SLC12A6: variants seen among roughly 807,000 people sequenced by gnomAD.
SLC12A6 encodes the protein solute carrier family 12 member 6.
Under a neutral mutation model 135.3 loss-of-function variants are expected in SLC12A6, and 66 were observed. The ratio of observed to expected loss-of-function variants is 0.49; its 90% CI spans 0.40 to 0.60. The LOEUF (loss-of-function observed/expected upper bound fraction) is 0.60, where lower values mean the gene tolerates loss of function less well. Ranked by LOEUF, SLC12A6 falls within the 20% of genes least tolerant of loss-of-function variation. SLC12A6 has a pLI of 0.00. For missense variants in SLC12A6, 1,058 were observed against 1,452.3 expected (o/e 0.73, Z 4.41); for synonymous variants, 513 against 508.8 (o/e 1.01, Z -0.11).
intron 3 of SLC12A6, among the ~76,000 whole-genome samples, chr15:34,268,851 T>C (rs1024880237): frequency 1.3e-5 from 2 of 150,920 alleles, no homozygotes; most frequent in Non-Finnish European, 3.0e-5. Context: ...ATGTTTCTTT[T>C]TTTCTTTCTT....
intron 2 of SLC12A6, among the ~76,000 whole-genome samples, chr15:34,335,929 A>T (rs1380699549): frequency 1.3e-5 from 2 of 152,226 alleles, no homozygotes; most frequent in Non-Finnish European, 2.9e-5. Flanking sequence ...CAGATTTCAA[A>T]AAAGAATTTT....
chr15:34,321,747 G>C (rs1320303712), intron 2 of SLC12A6, among the ~76,000 whole-genome samples: 1 of 152,152 alleles, frequency 6.6e-6, no homozygotes, highest in Non-Finnish European at 1.5e-5. Flanking sequence ...GATAAAGTGT[G>C]ATATAGTCAT....
At chr15:34,272,702 T>A (rs1894047530) in intron 3 of SLC12A6, among the ~76,000 whole-genome samples, 1 of 152,228 alleles carries the variant, frequency 6.6e-6, no homozygotes, top group Non-Finnish European at 1.5e-5. Flanking sequence ...TCCTTCATAA[T>A]CAAAGTTACT....
chr15:34,263,299 G>C (rs113108289), intron 3 of SLC12A6, among the ~76,000 whole-genome samples: 1,811 of 152,160 alleles, frequency 0.012, 15 homozygotes, highest in Middle Eastern at 0.037. Context: ...CATGCTTATA[G>C]TTCTAGCTAT....
intron 2 of SLC12A6, among the ~76,000 whole-genome samples, chr15:34,299,851 G>A (rs1426721526): frequency 6.6e-6 from 1 of 152,062 alleles, no homozygotes; most frequent in African/African-American, 2.4e-5. Context: ...GAGACATTAG[G>A]GGGTTTTAAA....
intron 24 of SLC12A6, 91 bp downstream of exon 24, chr15:34,235,924 G>T: frequency 3.0e-6 from 3 of 996,586 alleles, no homozygotes; most frequent in South Asian, 1.3e-5. Flanking sequence ...AGGGTGAAAT[G>T]AACAGACTCC....
At chr15:34,255,220 T>C (rs1892666283) in intron 8 of SLC12A6, 42 bp downstream of exon 8, 2 of 1,438,952 alleles carry the variant, frequency 1.4e-6, no homozygotes, top group Non-Finnish European at 9.8e-7. Flanking sequence ...CCTAAATCAA[T>C]ATTTCTTCTA....
In SLC12A6 at chr15:34,238,277, A is replaced by G; in HGVS notation, c.2757T>C (p.Asp919=). 3 of 1,613,580 alleles carry G rather than the reference A, an allele frequency of 1.9e-6. No homozygotes were observed. Among genetic ancestry groups the G allele is most frequent in the Non-Finnish European group, 2.5e-6 (3 of 1,179,454 alleles). ...ATGGTAGTAGCATAAGCATCCCCCCATCATGCACAATCCACCACACATCAA... is the reference window on the plus strand; with the variant it reads ...ATGGTAGTAGCATAAGCATCCCCCCGTCATGCACAATCCACCACACATCAA... ...GNIDVWWIVH[D]GGMLMLLPFL... is the part of the protein sequence containing the mutation. Residue 919 remains aspartate (D), a synonymous_variant, in exon 21 of 26, where the codon GAT becomes GAC. Coordinates refer to ENST00000354181, the MANE Select transcript of SLC12A6 (RefSeq NM_001365088.1).
chr15:34,256,229 C>A lies in SLC12A6; in HGVS notation c.745G>T (p.Ala249Ser). 1 of 1,591,770 alleles carries A rather than the reference C, an allele frequency of 6.3e-7. No homozygotes were observed. Among genetic ancestry groups the A allele is most frequent in the Non-Finnish European group, 8.6e-7 (1 of 1,159,664 alleles). The part of the protein sequence containing the change: ...SAIATNGVVP[A>S]GGSYFMISRA... ...TGAAATACAACCTTGACCTACTAAC[C>A]TGGCACCACTCCATTAGTGGCAATG... is the stretch of plus-strand genomic sequence containing the variant. Residue 249 changes from alanine to serine, a missense_variant and splice_region_variant, in exon 7 of 26, where the codon GCT (alanine) becomes TCT (serine). Physicochemically the swap from Ala to Ser is moderately conservative, Grantham distance 99. This residue lies in a region of SLC12A6 where 139 missense variants were observed against 202.2 expected (regional missense o/e 0.69). Transcript: ENST00000354181.
Position 34,238,925 on chromosome 15 carries a change from C to A in SLC12A6, c.2632+40G>T. 3.3e-6 allele frequency: 5 copies of A among 1,527,382 alleles called. 1 individual carries two copies. Among genetic ancestry groups the A allele is most frequent in the Non-Finnish European group, 3.6e-6 (4 of 1,100,818 alleles). The allele number at this position is 1,527,382 out of a possible 1,614,324, so 94.6% of individuals were successfully genotyped here. A position where few individuals can be genotyped will look rare whatever the true frequency, so the allele number is the denominator to read the frequency against. ...TGACAGAGATTTAACTATATACCCT[C>A]GACTTGGGCCTTTAGGTTTGTATGA... On this transcript the variant is annotated intron_variant, in intron 20 of 25. Transcript: ENST00000354181.
At chr15:34,326,590 G>A (rs1433433165) in intron 2 of SLC12A6, among the ~76,000 whole-genome samples, 6 of 152,030 alleles carry the variant, frequency 3.9e-5, no homozygotes, top group African/African-American at 1.4e-4. Flanking sequence ...ACTGCTCTAG[G>A]CACATAATTT....
At position 34,238,360 on chromosome 15, in the gene SLC12A6, C is replaced by T. The variant is rs1891416274; in HGVS notation, c.2674G>A (p.Val892Met). Reference protein sequence around the residue: ...VTTAAHLALLVAKNISFFPSN... With the variant: ...VTTAAHLALLMAKNISFFPSN... ...GGAAAGAAGGAGATGTTTTTAGCCA[C>T]CAGCAGTGCAAGATGGGCAGCAGTT... Residue 892 changes from valine to methionine, a missense_variant, in exon 21 of 26, where the codon GTG (valine) becomes ATG (methionine). Around this residue, in one of 6 missense-constraint regions of SLC12A6, gnomAD observed 245 missense variants for 440.8 expected, o/e 0.56. Coordinates refer to ENST00000354181, the MANE Select transcript of SLC12A6 (RefSeq NM_001365088.1). The T allele has an allele frequency of 6.2e-7, 1 of 1,613,792 alleles. No individual in the cohort carries two copies. The highest frequency in any genetic ancestry group is 8.5e-7 in the Non-Finnish European group (1 of 1,179,830).
rs188650289 is a variant in SLC12A6, at chr15:34,320,785, C to T, written c.271+15625G>A. On this transcript the variant is annotated intron_variant, in intron 2 of 25. Coordinates refer to ENST00000354181, the MANE Select transcript of SLC12A6 (RefSeq NM_001365088.1). ...CAAAAATCTTAGCCAGGCGTGGTGG[C>T]GGGCGCCTGTAGTTCCAGAAGGCTG... Among the ~76,000 whole-genome samples the T allele has an allele frequency of 1.5e-4, 22 of 145,892 alleles. No individual in the cohort carries two copies. In the East Asian group the frequency reaches 4.3e-3, roughly 29 times the overall value.
Position 34,310,629 on chromosome 15 carries a change from AGT to A in SLC12A6, c.271+25779_271+25780del, listed in dbSNP as rs61718499. Among the ~76,000 whole-genome samples, 49 of 6,054 alleles carry A rather than the reference AGT, an allele frequency of 8.1e-3. 2 individuals are homozygous for A. Among genetic ancestry groups the A allele is most frequent in the Non-Finnish European group, 0.011 (39 of 3,684 alleles). 4.0% of individuals were successfully genotyped at this position (6,054 alleles called of 152,430 possible). ...GGCTGGTGTTGAACTCCTGGGCTCA[AGT>A]GTGTGTGTGTGTGTGTGTGTGTGTG... On this transcript the variant is annotated intron_variant, in intron 2 of 25. Coordinates refer to ENST00000354181, the MANE Select transcript of SLC12A6 (RefSeq NM_001365088.1).
At chr15:34,330,658 C>T (rs1431355322) in intron 2 of SLC12A6, among the ~76,000 whole-genome samples, 1 of 150,588 alleles carries the variant, frequency 6.6e-6, no homozygotes, top group Non-Finnish European at 1.5e-5. Context: ...CAGAATGAGA[C>T]CCTGTCTCAA....
intron 17 of SLC12A6, 26 bp from the exon 18 acceptor site, chr15:34,241,363 A>G (rs1323612679): frequency 8.4e-7 from 1 of 1,188,170 alleles, no homozygotes; most frequent in Non-Finnish European, 1.3e-6. Flanking sequence ...AAGAGCAGAG[A>G]CAAATTTAAA....
intron 2 of SLC12A6, among the ~76,000 whole-genome samples, chr15:34,304,829 C>T (rs951888019): frequency 2.0e-5 from 3 of 152,188 alleles, no homozygotes; most frequent in African/African-American, 4.8e-5. Flanking sequence ...TTACATAATA[C>T]ATTCCCAAAG....
rs770742608 is a variant in SLC12A6, at chr15:34,254,458, G to A, written c.1008C>T (p.Gly336=). ...LVLMVLVVFI[G]VRYVNKFASL... ...AGGCAAACTTGTTCACATAGCGTACGCCGATAAATACCACTAATACCATAA... is the reference window on the plus strand; with the variant it reads ...AGGCAAACTTGTTCACATAGCGTACACCGATAAATACCACTAATACCATAA... Residue 336 remains glycine, a synonymous_variant, in exon 9 of 26, where the codon GGC becomes GGT. Coordinates refer to ENST00000354181, the MANE Select transcript of SLC12A6 (RefSeq NM_001365088.1). 4.0e-5 allele frequency: 64 copies of A among 1,613,694 alleles called. No individual in the cohort carries two copies. Among genetic ancestry groups the A allele is most frequent in the Non-Finnish European group, 5.1e-5 (60 of 1,179,738 alleles).
At chr15:34,254,314 A>G (rs1370080053) in intron 9 of SLC12A6, 34 bp downstream of exon 9, 1 of 1,595,368 alleles carries the variant, frequency 6.3e-7, no homozygotes, top group Admixed American at 1.7e-5. Context: ...TTACTACCCA[A>G]TAAGGATGGC....
Sources: gnomAD v4.1 joint callset for allele counts (sites outside exome capture counted in the v4.1 genomes callset) on GRCh38, gnomAD v4.1.1 for gene constraint, gnomAD v4.1.1 regional missense constraint, MANE v1.5 for transcripts, NCBI Gene and HGNC (gene_info 2026-07-23, HGNC 2026-07-21) for gene names.